PGS1: variants seen among roughly 807,000 people sequenced by gnomAD.
PGS1 encodes the protein CDP-diacylglycerol--glycerol-3-phosphate 3-phosphatidyltransferase, mitochondrial.
In PGS1, 44 loss-of-function variants were observed where a neutral mutation model predicts 58.3. That is an observed-to-expected ratio of 0.75 (90% CI 0.59 to 0.97). The LOEUF (loss-of-function observed/expected upper bound fraction) is 0.97. PGS1 is among the 50% of genes least tolerant of loss of function. PGS1 has a pLI of 0.00. For missense variants in PGS1, 684 were observed against 731.1 expected, an observed-to-expected ratio of 0.94 and a Z score of 0.74; for synonymous variants, 330 against 311.0, an observed-to-expected ratio of 1.06 and a Z score of -0.64.
chr17:78,423,998 C>T (rs761373066), intron 9 of PGS1, 63 bp from the exon 10 acceptor site: 13 of 1,613,854 alleles, frequency 8.1e-6, no homozygotes, highest in Admixed American at 6.7e-5. Flanking sequence ...TAGGTGGGGC[C>T]GCGGATGCGT....
At chr17:78,414,560 C>A (rs1485663192) in intron 7 of PGS1, among the ~76,000 whole-genome samples, 1 of 152,174 alleles carries the variant, frequency 6.6e-6, no homozygotes, top group Non-Finnish European at 1.5e-5. Flanking sequence ...AGCAGGTCGG[C>A]AGGTGGCGTC....
intron 9 of PGS1, chr17:78,420,034 C>T (rs780719126): frequency 7.0e-5 from 79 of 1,130,844 alleles, no homozygotes; most frequent in Non-Finnish European, 8.2e-5. Flanking sequence ...TGAGCCCCTC[C>T]AAGCTGAGCA....
At chr17:78,383,545 G>A (rs1242755436) in intron 1 of PGS1, among the ~76,000 whole-genome samples, 5 of 152,318 alleles carry the variant, frequency 3.3e-5, no homozygotes, top group African/African-American at 4.8e-5. Context: ...TTACATTGTA[G>A]TGGCAGGTCA....
intron 2 of PGS1, among the ~76,000 whole-genome samples, chr17:78,393,908 G>T (rs566962561): frequency 0.02 from 1 of 50 alleles, no homozygotes; most frequent in African/African-American, 0.05. Context: ...TAGGCCAGGC[G>T]TGGTGGGGCC....
chr17:78,417,912 G>A (rs1274104535), intron 8 of PGS1, among the ~76,000 whole-genome samples: 1 of 146,536 alleles, frequency 6.8e-6, no homozygotes, highest in Non-Finnish European at 1.5e-5. Flanking sequence ...CACCATTTCG[G>A]ACAAAGCATA....
chr17:78,412,385 C>G (rs971091523), intron 7 of PGS1, among the ~76,000 whole-genome samples: 1 of 152,176 alleles, frequency 6.6e-6, no homozygotes, highest in African/African-American at 2.4e-5. Context: ...GCTGAAAAAC[C>G]CTTATTCTTT....
chr17:78,403,719 A>G lies in PGS1; in HGVS notation c.1032A>G (p.Arg344=). ...ATGCAGCAGCTGCTGGGGATCGCAG[A>G]CCAGCCCCTGACACCTGGATTTATC... ...QEDAAAAGDR[R]PAPDTWIYPL... The change falls in exon 7 of 10, where the codon AGA becomes AGG. Residue 344 remains arginine, a synonymous_variant. Transcript: ENST00000262764. 1 of 1,614,202 alleles carries G rather than the reference A, an allele frequency of 6.2e-7. No homozygotes were observed. The highest frequency in any genetic ancestry group is 1.1e-5 in the South Asian group (1 of 91,088).
chr17:78,418,014 C>T (rs2085352184), intron 8 of PGS1, among the ~76,000 whole-genome samples: 2 of 149,050 alleles, frequency 1.3e-5, no homozygotes, highest in African/African-American at 5.0e-5. Flanking sequence ...ACTGTAACCT[C>T]TGCCTCCCGG....
intron 1 of PGS1, among the ~76,000 whole-genome samples, chr17:78,383,200 A>T (rs2082155184): frequency 6.6e-6 from 1 of 152,096 alleles, no homozygotes; most frequent in Non-Finnish European, 1.5e-5. Context: ...TCTCTGAGTT[A>T]TAAGAGGGAA....
rs1257064445 is a variant in PGS1, at chr17:78,383,698, A to G, written c.143+4890A>G. On this transcript the variant is annotated intron_variant, in intron 1 of 9. Coordinates refer to ENST00000262764, the MANE Select transcript of PGS1 (RefSeq NM_024419.5). ...CATCTCTTCGTTTGTTTATAGCAGT[A>G]TAATGGCTGGGAAGGGGATATTTAG... 2.6e-5 allele frequency among the ~76,000 whole-genome samples: 4 copies of G among 152,376 alleles called. No homozygotes were observed. The East Asian group carries it at 5.8e-4, about 22-fold the overall frequency.
chr17:78,392,756 G>A, intron 2 of PGS1, 91 bp downstream of exon 2: 1 of 957,748 alleles, frequency 1.0e-6, no homozygotes, highest in Admixed American at 2.3e-5. Context: ...TAGAAACTTT[G>A]GATAGCTGCT....
chr17:78,399,496 C>A lies in PGS1; in HGVS notation c.660C>A (p.His220Gln), dbSNP rs2083487410. ...ERFNETIGLQ[H>Q]IKVYLFDNSV... is the part of the protein sequence containing the mutation. ...TCAACGAGACCATCGGCCTCCAGCA[C>A]ATTAAGGTGTACCTCTTCGACAACA... The change falls in exon 5 of 10, where the codon CAC becomes CAA. Residue 220 changes from histidine to glutamine, a missense_variant. Coordinates refer to ENST00000262764, the MANE Select transcript of PGS1 (RefSeq NM_024419.5). 6.2e-7 allele frequency: 1 copy of A among 1,614,208 alleles called. No individual in the cohort carries two copies. The highest frequency in any genetic ancestry group is 8.5e-7 in the Non-Finnish European group (1 of 1,180,050).
At chr17:78,422,542 A>C (rs1224859619) in intron 9 of PGS1, among the ~76,000 whole-genome samples, 1 of 125,340 alleles carries the variant, frequency 8.0e-6, no homozygotes, top group East Asian at 2.0e-4. Context: ...TCTGTCACCC[A>C]GGCTGGAGTG....
Position 78,400,679 on chromosome 17 carries a change from C to G in PGS1, c.704C>G (p.Ala235Gly). 2 of 1,610,430 alleles carry G rather than the reference C, an allele frequency of 1.2e-6. No homozygotes were observed. The highest frequency in any genetic ancestry group is 1.7e-6 in the Non-Finnish European group (2 of 1,177,728). Reference protein sequence around the residue: ...LFDNSVILSGANLSDSYFTNR... With the variant: ...LFDNSVILSGGNLSDSYFTNR... ...ACCTGCATCTTCCCTCCCTGTAGTG[C>G]AAACCTGAGTGACTCCTACTTCACC... The change falls in exon 6 of 10, where the codon GCA becomes GGA. Residue 235 changes from alanine (A) to glycine (G), a missense_variant and splice_region_variant. By Grantham distance (60) the Ala-to-Gly change is moderately conservative (BLOSUM62 0). Coordinates refer to ENST00000262764, the MANE Select transcript of PGS1 (RefSeq NM_024419.5). The surrounding 1 kb of genome is among the most constrained non-coding windows in gnomAD (Gnocchi z 4.4).
chr17:78,410,021 G>A (rs748528835), intron 7 of PGS1, among the ~76,000 whole-genome samples: 1 of 152,222 alleles, frequency 6.6e-6, no homozygotes, highest in Non-Finnish European at 1.5e-5. Context: ...TGAGGCATGA[G>A]AATCACTTGA....
At chr17:78,419,871 ACTTTCCAT>A (rs2085539738) in intron 9 of PGS1, 196 bp downstream of exon 9, 4 of 1,331,576 alleles carry the variant, frequency 3.0e-6, no homozygotes, top group Non-Finnish European at 3.9e-6. Context: ...CAGTCTGTTC[ACTTTCCAT>A]CTGGTACCCA....
chr17:78,416,240 C>G (rs1476327570), intron 8 of PGS1, among the ~76,000 whole-genome samples: 1 of 152,216 alleles, frequency 6.6e-6, no homozygotes, highest in African/African-American at 2.4e-5. Flanking sequence ...CAGCAAATGA[C>G]TGAGGAAGCC....
In PGS1 at chr17:78,382,398, A is replaced by G. The variant is rs187506843; in HGVS notation, c.143+3590A>G. On this transcript the variant is annotated intron_variant, in intron 1 of 9. Coordinates refer to ENST00000262764, the MANE Select transcript of PGS1 (RefSeq NM_024419.5). ...GCAGTGGGAGCAGAAAAGAGGGCTG[A>G]GTGAGAATCAGTCTTGATGGGGCAC... 1.4e-3 allele frequency among the ~76,000 whole-genome samples: 217 copies of G among 152,234 alleles called. 2 individuals are homozygous for G. Among genetic ancestry groups the G allele is most frequent in the African/African-American group, 4.8e-3 (201 of 41,534 alleles).
At position 78,423,332 on chromosome 17, in the gene PGS1, A is replaced by G. The variant is rs74001310; in HGVS notation, c.*11-729A>G. Among the ~76,000 whole-genome samples the G allele has an allele frequency of 8.7e-3, 1,323 of 152,134 alleles. 21 individuals carry two copies. The highest frequency in any genetic ancestry group is 0.03 in the African/African-American group (1,260 of 41,494). The stretch of plus-strand genomic sequence containing the variant: ...GCTTGTGGGAACGGCTTGTTCTTCT[A>G]GACTCTGGGGGCGGGGGCTTGGGTG... On this transcript the variant is annotated intron_variant, in intron 9 of 9. Coordinates refer to ENST00000262764, the MANE Select transcript of PGS1 (RefSeq NM_024419.5).
Sources: gnomAD v4.1 joint callset for allele counts (sites outside exome capture counted in the v4.1 genomes callset) on GRCh38, gnomAD v4.1.1 for gene constraint, Gnocchi (gnomAD v3.1) non-coding constraint, MANE v1.5 for transcripts, NCBI Gene and HGNC (gene_info 2026-07-23, HGNC 2026-07-21) for gene names.